The following XKR9 variants were observed in gnomAD, a reference collection of about 807,000 sequenced individuals.
XKR9 encodes XK-related protein 9.
Under a neutral mutation model 32.0 loss-of-function variants are expected in XKR9, and 32 were observed. That is an observed-to-expected ratio of 1.00 (90% CI 0.76 to 1.34). The LOEUF is 1.34. Among genes scored for constraint, XKR9 ranks in the 40% most tolerant of loss-of-function variants. The pLI is 0.00. For missense variants in XKR9, 546 were observed against 429.7 expected (o/e 1.27, Z -2.39); for synonymous variants, 168 against 143.4 (o/e 1.17, Z -1.22).
chr8:70,774,645 T>C (rs1049416130), intron 2 of XKR9, among the ~76,000 whole-genome samples: 8 of 152,172 alleles, frequency 5.3e-5, no homozygotes, highest in African/African-American at 1.7e-4. Flanking sequence ...TGTTCCAGCA[T>C]AGTTTGTTGA....
At chr8:70,759,803 A>T (rs922805133) in intron 2 of XKR9, among the ~76,000 whole-genome samples, 9 of 152,218 alleles carry the variant, frequency 5.9e-5, no homozygotes, top group African/African-American at 2.2e-4. Context: ...TGTCAAAATA[A>T]TGTATTAGTT....
chr8:71,025,893 T>C, the XKR9 span, among the ~76,000 whole-genome samples: 1 of 152,182 alleles, frequency 6.6e-6, no homozygotes, highest in Admixed American at 6.5e-5. Context: ...CCGGCCCTCA[T>C]GTTCATTAGG....
chr8:70,787,767 A>G (rs993351034), intron 2 of XKR9, among the ~76,000 whole-genome samples: 1 of 152,070 alleles, frequency 6.6e-6, no homozygotes, highest in Non-Finnish European at 1.5e-5. Context: ...TGCACTAGGT[A>G]TCTACATGAT....
chr8:70,727,939 G>A (rs576236919), intron 4 of XKR9, among the ~76,000 whole-genome samples: 1 of 152,140 alleles, frequency 6.6e-6, no homozygotes, highest in African/African-American at 2.4e-5. Context: ...AGCAGTTCAG[G>A]TAGGGTCAGA....
At chr8:70,801,360 A>G in the XKR9 span, among the ~76,000 whole-genome samples, 3 of 152,134 alleles carry the variant, frequency 2.0e-5, no homozygotes, top group East Asian at 1.9e-4. Flanking sequence ...AGATTCTGGT[A>G]TGTTGTATCT....
chr8:71,027,797 C>T, the XKR9 span, among the ~76,000 whole-genome samples: 1,743 of 147,072 alleles, frequency 0.012, 20 homozygotes, highest in Non-Finnish European at 0.02. Context: ...GGGGGTCTCA[C>T]TCCGTCATCC....
intron 2 of XKR9, among the ~76,000 whole-genome samples, chr8:70,751,847 C>A (rs1006862475): frequency 6.6e-6 from 1 of 152,146 alleles, no homozygotes; most frequent in African/African-American, 2.4e-5. Context: ...TTGGACTGAG[C>A]CATGCCACCA....
chr8:70,998,299 G>T, the XKR9 span, among the ~76,000 whole-genome samples: 1 of 152,224 alleles, frequency 6.6e-6, no homozygotes, highest in East Asian at 1.9e-4. Flanking sequence ...TCAATTAAGG[G>T]ACTCCTGCCA....
At chr8:70,891,298 G>T in the XKR9 span, among the ~76,000 whole-genome samples, 2 of 150,794 alleles carry the variant, frequency 1.3e-5, no homozygotes, top group Non-Finnish European at 3.0e-5. Flanking sequence ...GTTTACTTTT[G>T]CTCTGATATT....
chr8:70,788,867 G>C (rs966076375), intron 2 of XKR9, among the ~76,000 whole-genome samples: 1 of 151,932 alleles, frequency 6.6e-6, no homozygotes, highest in African/African-American at 2.4e-5. Context: ...GAGTGTGTTG[G>C]GGCTATACAT....
chr8:70,804,628 G>A, the XKR9 span, among the ~76,000 whole-genome samples: 5,271 of 152,182 alleles, frequency 0.035, 146 homozygotes, highest in South Asian at 0.078. Flanking sequence ...AACACAGGGC[G>A]AAAAAATTAT....
chr8:70,782,972 A>G (rs186049229), intron 2 of XKR9, among the ~76,000 whole-genome samples: 3 of 152,218 alleles, frequency 2.0e-5, no homozygotes, highest in East Asian at 3.9e-4. Context: ...TGGTAAATCT[A>G]TTTTTAGTTT....
chr8:70,822,056 A>G, the XKR9 span, among the ~76,000 whole-genome samples: 30 of 152,284 alleles, frequency 2.0e-4, no homozygotes, highest in African/African-American at 6.7e-4. Flanking sequence ...TCTTTTAAAC[A>G]TAAGTTTCAA....
At chr8:71,031,165 G>C in the XKR9 span, among the ~76,000 whole-genome samples, 1 of 151,802 alleles carries the variant, frequency 6.6e-6, no homozygotes, top group Non-Finnish European at 1.5e-5. Context: ...ACATTTGCTG[G>C]GTGTCTTTCA....
intron 2 of XKR9, among the ~76,000 whole-genome samples, chr8:70,766,353 T>G (rs1372140254): frequency 6.6e-6 from 1 of 152,198 alleles, no homozygotes; most frequent in Non-Finnish European, 1.5e-5. Flanking sequence ...AGGCATTTTA[T>G]TCTCTTGGTA....
At chr8:70,845,581 G>T in the XKR9 span, among the ~76,000 whole-genome samples, 21 of 151,972 alleles carry the variant, frequency 1.4e-4, no homozygotes, top group Non-Finnish European at 2.8e-4. Context: ...TTCACCAGAG[G>T]TATAGATATC....
the XKR9 span, among the ~76,000 whole-genome samples, chr8:70,896,541 G>A: frequency 3.7e-4 from 56 of 150,492 alleles, no homozygotes; most frequent in Admixed American, 1.8e-3. Flanking sequence ...TTGGTAATGC[G>A]TATGTTCTGT....
chr8:71,065,327 T>C, the XKR9 span, among the ~76,000 whole-genome samples: 1 of 152,072 alleles, frequency 6.6e-6, no homozygotes, highest in Admixed American at 6.6e-5. Context: ...AAGAGGAAAT[T>C]ATTCCCTCTC....
At chr8:70,877,180 C>T in the XKR9 span, among the ~76,000 whole-genome samples, 1 of 152,074 alleles carries the variant, frequency 6.6e-6, no homozygotes, top group African/African-American at 2.4e-5. Context: ...CATCAGATCT[C>T]ATGAGAACTC....
Sources: allele counts gnomAD v4.1 joint callset (sites outside exome capture counted in the v4.1 genomes callset), GRCh38; gene constraint gnomAD v4.1.1; transcripts MANE v1.5; gene names NCBI Gene and HGNC (gene_info 2026-07-23, HGNC 2026-07-21).